CAMTA1: variants seen among roughly 807,000 people sequenced by gnomAD.
CAMTA1 encodes calmodulin binding transcription activator 1.
In CAMTA1, 27 loss-of-function variants were observed where a neutral mutation model predicts 170.9. The observed-to-expected ratio is 0.16, with a 90% CI of 0.12 to 0.22. The LOEUF is 0.22. Among genes scored for constraint, CAMTA1 ranks in the 10% least tolerant of loss-of-function variants. The pLI is 1.00. For missense variants in CAMTA1, 1,619 were observed against 2,217.2 expected (o/e 0.73, Z 5.42); for synonymous variants, 833 against 891.5 (o/e 0.93, Z 1.17).
chr1:7,331,535 G>A (rs962941685), intron 5 of CAMTA1, among the ~76,000 whole-genome samples: 2 of 152,198 alleles, frequency 1.3e-5, no homozygotes, highest in Non-Finnish European at 2.9e-5. Flanking sequence ...TCCATGAGCT[G>A]CCAGACCATC....
chr1:7,678,957 C>T (rs2096154629), intron 11 of CAMTA1, among the ~76,000 whole-genome samples: 2 of 152,210 alleles, frequency 1.3e-5, no homozygotes, highest in South Asian at 2.1e-4. Context: ...TATCCCAGTC[C>T]CTGCCCCAGC....
chr1:7,305,735 G>C (rs955159485), intron 5 of CAMTA1, among the ~76,000 whole-genome samples: 9 of 152,022 alleles, frequency 5.9e-5, no homozygotes, highest in Non-Finnish European at 1.0e-4. Flanking sequence ...TTCTCCAAGG[G>C]AAACACTCAG....
intron 6 of CAMTA1, among the ~76,000 whole-genome samples, chr1:7,575,724 G>C (rs910754433): frequency 6.6e-6 from 1 of 152,048 alleles, no homozygotes; most frequent in Non-Finnish European, 1.5e-5. Context: ...TCTGGCCCAG[G>C]TGTAGGCAGG....
intron 4 of CAMTA1, among the ~76,000 whole-genome samples, chr1:7,160,437 A>G (rs920501952): frequency 2.6e-5 from 4 of 151,606 alleles, no homozygotes; most frequent in African/African-American, 7.3e-5. Context: ...TTCTTTGACT[A>G]TCTCGGCAGC....
chr1:6,882,521 G>A (rs1259128704), intron 3 of CAMTA1, among the ~76,000 whole-genome samples: 1 of 152,178 alleles, frequency 6.6e-6, no homozygotes, highest in Non-Finnish European at 1.5e-5. Context: ...TTTTTGCACT[G>A]AGTAACTGGA....
At chr1:6,838,965 C>T (rs563002898) in intron 3 of CAMTA1, among the ~76,000 whole-genome samples, 2 of 152,256 alleles carry the variant, frequency 1.3e-5, no homozygotes, top group Admixed American at 1.3e-4. Context: ...CTGTCTTGCC[C>T]AGGCTGGTCT....
At chr1:6,987,832 TC>T (rs1395751480) in intron 3 of CAMTA1, among the ~76,000 whole-genome samples, 1 of 151,778 alleles carries the variant, frequency 6.6e-6, no homozygotes, top group Admixed American at 6.6e-5. Context: ...ACTCCTTCCT[TC>T]CCCCTCCATC....
chr1:7,128,694 A>C (rs1645070986), intron 4 of CAMTA1, among the ~76,000 whole-genome samples: 1 of 151,208 alleles, frequency 6.6e-6, no homozygotes, highest in African/African-American at 2.4e-5. Flanking sequence ...TCTTGCTGTC[A>C]CCCAGGCTGG....
intron 4 of CAMTA1, among the ~76,000 whole-genome samples, chr1:7,130,708 AG>A (rs1645197815): frequency 1.3e-5 from 2 of 152,176 alleles, no homozygotes; most frequent in African/African-American, 4.8e-5. Context: ...TGATGCTGAC[AG>A]TCCTATAAAC....
chr1:6,957,136 C>G (rs1689595640), intron 3 of CAMTA1, among the ~76,000 whole-genome samples: 1 of 152,218 alleles, frequency 6.6e-6, no homozygotes, highest in Admixed American at 6.5e-5. Flanking sequence ...CAGATGCGCT[C>G]TTTGGGAAAG....
At chr1:6,974,611 AG>A (rs1438966271) in intron 3 of CAMTA1, among the ~76,000 whole-genome samples, 5 of 152,330 alleles carry the variant, frequency 3.3e-5, no homozygotes, top group Admixed American at 3.3e-4. Context: ...TTGGTCGGGC[AG>A]GGAGGCTGCT....
chr1:7,626,874 C>A (rs1325647030), intron 6 of CAMTA1, among the ~76,000 whole-genome samples: 15 of 152,194 alleles, frequency 9.9e-5, no homozygotes, highest in African/African-American at 3.6e-4. Flanking sequence ...AGACCCCTGA[C>A]TTGCAGGACC....
chr1:7,145,388 G>A (rs965841657), intron 4 of CAMTA1, among the ~76,000 whole-genome samples: 1 of 152,242 alleles, frequency 6.6e-6, no homozygotes, highest in African/African-American at 2.4e-5. Flanking sequence ...TCAATGTGAG[G>A]TTCTATCTTT....
chr1:6,854,685 T>C (rs1226094949), intron 3 of CAMTA1, among the ~76,000 whole-genome samples: 2 of 152,220 alleles, frequency 1.3e-5, no homozygotes, highest in Non-Finnish European at 2.9e-5. Flanking sequence ...CAGAATATCA[T>C]ACTTACAAAG....
intron 3 of CAMTA1, among the ~76,000 whole-genome samples, chr1:6,856,940 A>G (rs1456082698): frequency 6.6e-6 from 1 of 152,124 alleles, no homozygotes; most frequent in African/African-American, 2.4e-5. Context: ...AGGGGGAGGT[A>G]GAGAGTGGCA....
At chr1:7,606,223 C>A (rs1446152400) in intron 6 of CAMTA1, among the ~76,000 whole-genome samples, 2 of 152,212 alleles carry the variant, frequency 1.3e-5, no homozygotes, top group Non-Finnish European at 2.9e-5. Flanking sequence ...CAGGGGCTGA[C>A]AGATGCCTCT....
intron 3 of CAMTA1, among the ~76,000 whole-genome samples, chr1:6,943,574 C>T (rs1011279854): frequency 7.2e-5 from 11 of 152,162 alleles, no homozygotes; most frequent in Non-Finnish European, 2.9e-5. Flanking sequence ...CGGGGCCAGG[C>T]GTGGTGGCTC....
intron 6 of CAMTA1, among the ~76,000 whole-genome samples, chr1:7,480,261 ATG>A (rs1231151601): frequency 1.8e-4 from 16 of 91,032 alleles, no homozygotes; most frequent in East Asian, 1.6e-3. Context: ...GCATGTGTGT[ATG>A]TGTGTGAGTG....
intron 3 of CAMTA1, chr1:6,871,851 C>G: frequency 2.0e-6 from 3 of 1,464,794 alleles, no homozygotes; most frequent in Non-Finnish European, 2.7e-6. Context: ...GTAACCATTT[C>G]ATTTTTTAAT....
Sources: allele counts gnomAD v4.1 joint callset (sites outside exome capture counted in the v4.1 genomes callset), GRCh38; gene constraint gnomAD v4.1.1; transcripts MANE v1.5; gene names NCBI Gene and HGNC (gene_info 2026-07-23, HGNC 2026-07-21).